Variants in PBX1 observed in about 807,000 individuals in gnomAD.
PBX1 encodes pre-B-cell leukemia transcription factor 1.
PBX1 carries 6 observed loss-of-function variants against 53.4 expected under a neutral mutation model. The ratio of observed to expected loss-of-function variants is 0.11; its 90% CI spans 0.06 to 0.22. PBX1 has a LOEUF of 0.22. PBX1 is among the 10% of genes least tolerant of loss of function. The pLI is 1.00. For missense variants in PBX1, 251 were observed against 551.4 expected, an observed-to-expected ratio of 0.46 and a Z score of 5.46; for synonymous variants, 204 against 212.3, an observed-to-expected ratio of 0.96 and a Z score of 0.34.
chr1:164,801,500 GAA>G (rs1275259945), intron 4 of PBX1, among the ~76,000 whole-genome samples: 1 of 149,576 alleles, frequency 6.7e-6, no homozygotes, highest in East Asian at 2.0e-4. Flanking sequence ...TTCTTTTCAA[GAA>G]AGTAAGCAGA....
Position 164,849,196 on chromosome 1 carries a change from A to T in PBX1, c.*2520A>T. The T allele has an allele frequency of 6.9e-7, 1 of 1,439,724 alleles. No individual in the cohort carries two copies. The highest frequency in any genetic ancestry group is 1.4e-5 in the African/African-American group (1 of 70,848). 89.2% of individuals were successfully genotyped at this position (1,439,724 alleles called of 1,614,324 possible). ...AGTGACTCCAGATGTGGCCTGAATA[A>T]TTGCCATGTTAAGTTAATGCAAAAG... On this transcript the variant is annotated 3_prime_UTR_variant, in exon 9 of 9. Coordinates refer to ENST00000420696, the MANE Select transcript of PBX1 (RefSeq NM_002585.4).
At chr1:164,764,417 T>G (rs927020708) in intron 2 of PBX1, among the ~76,000 whole-genome samples, 1 of 152,220 alleles carries the variant, frequency 6.6e-6, no homozygotes, top group Non-Finnish European at 1.5e-5. Context: ...ATGATTTTCC[T>G]TAGGTCACAA....
intron 8 of PBX1, among the ~76,000 whole-genome samples, chr1:164,830,746 G>T (rs2102387932): frequency 6.6e-6 from 1 of 152,228 alleles, no homozygotes; most frequent in South Asian, 2.1e-4. Context: ...CTAAGCCTTT[G>T]CTGGCAGCCT....
At chr1:164,836,394 C>A (rs1000544719) in intron 8 of PBX1, among the ~76,000 whole-genome samples, 1 of 152,022 alleles carries the variant, frequency 6.6e-6, no homozygotes. Flanking sequence ...ATTAAAATTT[C>A]AAAAAATCAA....
chr1:164,755,666 G>A (rs966499085), intron 2 of PBX1, among the ~76,000 whole-genome samples: 8 of 152,024 alleles, frequency 5.3e-5, no homozygotes, highest in Non-Finnish European at 8.8e-5. Flanking sequence ...TGAAACAAAA[G>A]ACAGTGTCCC....
intron 8 of PBX1, chr1:164,829,217 A>G (rs1353037783): frequency 2.0e-5 from 3 of 152,206 alleles, no homozygotes; most frequent in African/African-American, 4.8e-5. Flanking sequence ...TATAGTCAAT[A>G]TTATTTTCAA....
Position 164,676,321 on chromosome 1 carries a change from G to C in PBX1, c.265+113010G>C, listed in dbSNP as rs544609027. On this transcript the variant is annotated intron_variant, in intron 2 of 8. Transcript: ENST00000420696. ...ATACTAGATTTATGTAGTAGGCATA[G>C]AGTAGGTCTGTCTAGCTCTCCTACT... Among the ~76,000 whole-genome samples, 4 of 152,184 alleles carry C rather than the reference G, an allele frequency of 2.6e-5. No homozygotes were observed. The South Asian group carries it at 6.2e-4, about 24-fold the overall frequency.
At chr1:164,806,088 C>CT (rs1447448453) in intron 4 of PBX1, among the ~76,000 whole-genome samples, 1 of 152,112 alleles carries the variant, frequency 6.6e-6, no homozygotes, top group East Asian at 1.9e-4. Context: ...TAAGGAAAAG[C>CT]TTTTAATAAA....
chr1:164,854,688 T>A (rs1571533885), downstream of PBX1, among the ~76,000 whole-genome samples: 1 of 151,806 alleles, frequency 6.6e-6, no homozygotes, highest in Admixed American at 6.6e-5. Context: ...AGAGGTGAGG[T>A]AAGGAAGGTT....
chr1:164,598,990 T>A (rs578055646), intron 2 of PBX1, among the ~76,000 whole-genome samples: 1 of 152,144 alleles, frequency 6.6e-6, no homozygotes, highest in South Asian at 2.1e-4. Context: ...CCAGTCTATG[T>A]CCTGACCAAC....
chr1:164,722,997 G>T (rs1483015929), intron 2 of PBX1, among the ~76,000 whole-genome samples: 1 of 152,150 alleles, frequency 6.6e-6, no homozygotes, highest in Non-Finnish European at 1.5e-5. Flanking sequence ...TGCAGAAATG[G>T]TGAACTTTCT....
intron 2 of PBX1, among the ~76,000 whole-genome samples, chr1:164,791,207 A>G (rs1236405528): frequency 4.6e-5 from 7 of 151,956 alleles, no homozygotes; most frequent in African/African-American, 7.3e-5. Context: ...GATTTATTTT[A>G]TGGGAGGTTG....
intron 2 of PBX1, among the ~76,000 whole-genome samples, chr1:164,785,455 G>A (rs996588347): frequency 6.6e-5 from 10 of 152,196 alleles, no homozygotes; most frequent in East Asian, 1.9e-4. Flanking sequence ...GTTCCGGGCT[G>A]TGGATATATT....
chr1:164,875,798 G>A (rs1044751873), intron 2 of PBX1, among the ~76,000 whole-genome samples: 4 of 151,974 alleles, frequency 2.6e-5, no homozygotes, highest in South Asian at 4.2e-4. Flanking sequence ...TGATTTTCAT[G>A]TCTGTCACAG....
intron 2 of PBX1, among the ~76,000 whole-genome samples, chr1:164,621,091 C>T (rs535913635): frequency 1.7e-4 from 26 of 152,236 alleles, no homozygotes; most frequent in Non-Finnish European, 3.2e-4. Flanking sequence ...CGGATTCAAG[C>T]GATTCTCCTG....
intron 2 of PBX1, among the ~76,000 whole-genome samples, chr1:164,573,966 A>G (rs1223759554): frequency 6.6e-6 from 1 of 152,204 alleles, no homozygotes; most frequent in African/African-American, 2.4e-5. Context: ...TCCCCACTCA[A>G]ACTTGAGCTG....
At chr1:164,797,316 C>T (rs1023582869) in intron 3 of PBX1, among the ~76,000 whole-genome samples, 3 of 152,242 alleles carry the variant, frequency 2.0e-5, no homozygotes, top group Admixed American at 6.5e-5. Flanking sequence ...TGAGCCCAGA[C>T]GAGGTGGGGA....
At chr1:164,854,438 A>G (rs1242402095), downstream of PBX1, 1 of 152,078 alleles carries the variant, frequency 6.6e-6, no homozygotes, top group East Asian at 1.9e-4. Flanking sequence ...TCCATTGTGG[A>G]GAAAGGCACA....
chr1:164,701,164 T>A (rs1230805259), intron 2 of PBX1, among the ~76,000 whole-genome samples: 1 of 152,144 alleles, frequency 6.6e-6, no homozygotes, highest in Admixed American at 6.5e-5. Context: ...CTAGGATACA[T>A]AGAGTGGTAA....
Sources: gnomAD v4.1 joint callset for allele counts (sites outside exome capture counted in the v4.1 genomes callset) on GRCh38, gnomAD v4.1.1 for gene constraint, MANE v1.5 for transcripts, NCBI Gene and HGNC (gene_info 2026-07-23, HGNC 2026-07-21) for gene names.